The following EXOC6B variants were observed in gnomAD, a reference collection of about 807,000 sequenced individuals.
The protein encoded by EXOC6B is exocyst complex component 6B.
In EXOC6B, 54 loss-of-function variants were observed where a neutral mutation model predicts 113.5. The observed-to-expected ratio is 0.48, with a 90% confidence interval of 0.38 to 0.60. EXOC6B has a LOEUF of 0.60. Among genes scored for constraint, EXOC6B ranks in the 20% least tolerant of loss-of-function variants. The probability of loss-of-function intolerance (pLI) is 0.00; values close to 1 mark genes in which losing one functional copy is unlikely to be tolerated. For missense variants in EXOC6B, 797 were observed against 977.5 expected (o/e 0.82, Z 2.46); for synonymous variants, 357 against 339.0 (o/e 1.05, Z -0.58).
intron 18 of EXOC6B, among the ~76,000 whole-genome samples, chr2:72,461,241 G>A (rs1196724759): frequency 6.7e-6 from 1 of 148,156 alleles, no homozygotes; most frequent in Non-Finnish European, 1.5e-5. Context: ...ATAGCATTAG[G>A]AGATATACCT....
chr2:72,549,036 A>G (rs962433757), intron 8 of EXOC6B, among the ~76,000 whole-genome samples: 3 of 152,084 alleles, frequency 2.0e-5, no homozygotes, highest in Non-Finnish European at 1.5e-5. Flanking sequence ...AAAAAATTTA[A>G]ATAAATAAGA....
intron 6 of EXOC6B, among the ~76,000 whole-genome samples, chr2:72,605,774 A>G (rs906959268): frequency 6.6e-6 from 1 of 152,138 alleles, no homozygotes; most frequent in African/African-American, 2.4e-5. Context: ...TATTTTCTCC[A>G]TTTAATCCTC....
At chr2:72,511,171 T>C (rs910952208) in intron 11 of EXOC6B, among the ~76,000 whole-genome samples, 4 of 152,236 alleles carry the variant, frequency 2.6e-5, no homozygotes, top group Admixed American at 2.0e-4. Context: ...AAAGAAATAT[T>C]TGCAACATAT....
At chr2:72,674,435 C>A (rs1440731468) in intron 6 of EXOC6B, among the ~76,000 whole-genome samples, 4 of 152,248 alleles carry the variant, frequency 2.6e-5, no homozygotes, top group African/African-American at 4.8e-5. Flanking sequence ...TCTTCACCTT[C>A]ACACATTTGT....
intron 6 of EXOC6B, among the ~76,000 whole-genome samples, chr2:72,637,188 T>C (rs539622479): frequency 3.9e-5 from 6 of 152,148 alleles, no homozygotes; most frequent in African/African-American, 1.2e-4. Context: ...GAAAAAAACA[T>C]TGCATTCATG....
chr2:72,399,105 T>C (rs1397408266), intron 18 of EXOC6B, among the ~76,000 whole-genome samples: 1 of 151,844 alleles, frequency 6.6e-6, no homozygotes, highest in Admixed American at 6.6e-5. Context: ...AAAAATATAA[T>C]ATAGCACAAT....
chr2:72,508,792 T>A (rs1176524562), intron 11 of EXOC6B, among the ~76,000 whole-genome samples: 1 of 151,490 alleles, frequency 6.6e-6, no homozygotes, highest in Non-Finnish European at 1.5e-5. Flanking sequence ...AATAAATAAA[T>A]AAAAATAAAT....
In EXOC6B at chr2:72,176,559, T is replaced by C. The variant is rs992479321; in HGVS notation, c.*2776A>G. The C allele has an allele frequency of 3.3e-5, 5 of 152,258 alleles. No individual in the cohort carries two copies. Among genetic ancestry groups the C allele is most frequent in the African/African-American group, 1.2e-4 (5 of 41,460 alleles). The allele number at this position is 152,258 out of a possible 1,614,324, so 9.4% of individuals were successfully genotyped here. On this transcript the variant is annotated 3_prime_UTR_variant, in exon 22 of 22. Coordinates refer to ENST00000272427, the MANE Select transcript of EXOC6B (RefSeq NM_015189.3). ...TGCACCCTGGAAGCTCTACATTCCC[T>C]TTGCCAACAGGATCTCACTTCCTGG... is the stretch of plus-strand genomic sequence containing the variant.
chr2:72,736,004 T>G (rs915256985), intron 2 of EXOC6B, among the ~76,000 whole-genome samples: 16 of 151,502 alleles, frequency 1.1e-4, no homozygotes, highest in Admixed American at 1.1e-3. Flanking sequence ...GCCAACATGG[T>G]GAAACCCCCT....
At chr2:72,391,133 T>C (rs1277503887) in intron 18 of EXOC6B, among the ~76,000 whole-genome samples, 1 of 152,200 alleles carries the variant, frequency 6.6e-6, no homozygotes. Context: ...ACTTCATTTG[T>C]TGGTCTTCTC....
intron 13 of EXOC6B, among the ~76,000 whole-genome samples, chr2:72,497,982 T>C (rs776008868): frequency 1.8e-4 from 27 of 152,208 alleles, no homozygotes; most frequent in Non-Finnish European, 3.7e-4. Context: ...GCCCCTTTGC[T>C]GTGTGTGGAG....
At chr2:72,370,729 G>T (rs1023691015) in intron 19 of EXOC6B, among the ~76,000 whole-genome samples, 2 of 152,056 alleles carry the variant, frequency 1.3e-5, no homozygotes, top group Non-Finnish European at 2.9e-5. Context: ...GGATGAAGCT[G>T]GAAACCATCA....
At chr2:72,267,500 T>A (rs565185604) in intron 20 of EXOC6B, among the ~76,000 whole-genome samples, 1 of 152,228 alleles carries the variant, frequency 6.6e-6, no homozygotes, top group South Asian at 2.1e-4. Flanking sequence ...CTTTTCTGCA[T>A]CTATTGAGAT....
At chr2:72,397,435 A>C (rs1692796489) in intron 18 of EXOC6B, among the ~76,000 whole-genome samples, 1 of 151,810 alleles carries the variant, frequency 6.6e-6, no homozygotes, top group Non-Finnish European at 1.5e-5. Context: ...CCTGGCTAAC[A>C]CGGTGAAACC....
intron 20 of EXOC6B, among the ~76,000 whole-genome samples, chr2:72,312,120 T>G (rs1572896310): frequency 6.6e-6 from 1 of 152,194 alleles, no homozygotes; most frequent in Non-Finnish European, 1.5e-5. Flanking sequence ...TTCAGAGACC[T>G]TTTCCCCATG....
chr2:72,682,631 T>C (rs1676792631), intron 6 of EXOC6B, among the ~76,000 whole-genome samples: 3 of 152,172 alleles, frequency 2.0e-5, no homozygotes, highest in African/African-American at 7.2e-5. Flanking sequence ...AACTATTCAT[T>C]CAATTGATAA....
At chr2:72,798,322 A>G (rs1172357225) in intron 1 of EXOC6B, among the ~76,000 whole-genome samples, 5 of 152,088 alleles carry the variant, frequency 3.3e-5, no homozygotes, top group African/African-American at 1.2e-4. Context: ...CTTAAGCTAC[A>G]TTTATCACAA....
intron 18 of EXOC6B, among the ~76,000 whole-genome samples, chr2:72,439,743 C>T (rs1696083609): frequency 6.6e-6 from 1 of 152,174 alleles, no homozygotes; most frequent in African/African-American, 2.4e-5. Context: ...TCAGCCTCAG[C>T]CCAGTTCTGA....
chr2:72,342,566 G>A (rs2901145), intron 19 of EXOC6B, among the ~76,000 whole-genome samples: 2,339 of 152,126 alleles, frequency 0.015, 48 homozygotes, highest in African/African-American at 0.053. Context: ...TGGAAAAAAA[G>A]AAACCCTCGT....
Sources: allele counts gnomAD v4.1 joint callset (sites outside exome capture counted in the v4.1 genomes callset), GRCh38; gene constraint gnomAD v4.1.1; transcripts MANE v1.5; gene names NCBI Gene and HGNC (gene_info 2026-07-23, HGNC 2026-07-21).